Variants in POLK observed in about 807,000 individuals in gnomAD.
POLK encodes DNA polymerase kappa, also known as polymerase (DNA directed) kappa.
In POLK, 76 loss-of-function variants were observed where a neutral mutation model predicts 94.0. The ratio of observed to expected loss-of-function variants is 0.81; its 90% CI spans 0.67 to 0.98. The LOEUF is 0.98. POLK is among the 50% of genes least tolerant of loss of function. The pLI is 0.00. For missense variants in POLK, 954 were observed against 1,010.1 expected, an observed-to-expected ratio of 0.94 and a Z score of 0.75; for synonymous variants, 349 against 325.4, an observed-to-expected ratio of 1.07 and a Z score of -0.78.
intron 1 of POLK, among the ~76,000 whole-genome samples, chr5:75,515,056 T>C (rs925430873): frequency 3.9e-5 from 6 of 152,124 alleles, no homozygotes; most frequent in African/African-American, 1.4e-4. Context: ...AGTTTACAGC[T>C]CTTTTCTTGC....
chr5:75,593,212 A>G lies in POLK; in HGVS notation c.1357-666A>G, dbSNP rs71628910. On this transcript the variant is annotated intron_variant, in intron 11 of 14. Coordinates refer to ENST00000241436, the Ensembl canonical transcript of POLK. ...AATGGTGTGATCTCGGCTCAATGCA[A>G]CCTCCATCTCCTGGCTTCAATCTAT... Among the ~76,000 whole-genome samples the G allele has an allele frequency of 4.7e-3, 699 of 149,362 alleles. 3 individuals carry two copies. Among genetic ancestry groups the G allele is most frequent in the African/African-American group, 0.016 (641 of 40,556 alleles).
At chr5:75,528,649 CAA>C (rs573349562) in intron 1 of POLK, among the ~76,000 whole-genome samples, 19 of 138,940 alleles carry the variant, frequency 1.4e-4, no homozygotes, top group Non-Finnish European at 1.6e-4. Context: ...TCCACTCTAC[CAA>C]AAAAAAAAAA....
intron 3 of POLK, among the ~76,000 whole-genome samples, chr5:75,567,796 T>C (rs1771353553): frequency 6.6e-6 from 1 of 152,138 alleles, no homozygotes; most frequent in Non-Finnish European, 1.5e-5. Flanking sequence ...TGACAGAGCT[T>C]GGAAAGGCAC....
intron 1 of POLK, among the ~76,000 whole-genome samples, chr5:75,536,050 G>C (rs1020797369): frequency 6.6e-6 from 1 of 152,128 alleles, no homozygotes; most frequent in Admixed American, 6.5e-5. Context: ...TTCTTGTGCT[G>C]GTTCTTTCTC....
chr5:75,540,655 C>G (rs868256011), intron 1 of POLK, among the ~76,000 whole-genome samples: 2 of 151,910 alleles, frequency 1.3e-5, no homozygotes, highest in Non-Finnish European at 2.9e-5. Context: ...AATACAGTAC[C>G]AAAAAAGGTA....
chr5:75,593,292 C>T (rs556552293), intron 11 of POLK, among the ~76,000 whole-genome samples: 2 of 151,952 alleles, frequency 1.3e-5, no homozygotes, highest in East Asian at 3.9e-4. Context: ...CCATCACGCT[C>T]AGCTAATTTT....
At chr5:75,529,065 G>A (rs1027581336) in intron 1 of POLK, among the ~76,000 whole-genome samples, 1 of 152,112 alleles carries the variant, frequency 6.6e-6, no homozygotes, top group African/African-American at 2.4e-5. Flanking sequence ...AATTGTGTTA[G>A]TCCATTTGCA....
At chr5:75,594,787 C>A (rs1213695332) in intron 12 of POLK, among the ~76,000 whole-genome samples, 1 of 152,166 alleles carries the variant, frequency 6.6e-6, no homozygotes, top group Non-Finnish European at 1.5e-5. Flanking sequence ...CATCTCCAGC[C>A]ACTACATGGT....
chr5:75,572,484 A>G (rs562052313), intron 4 of POLK, among the ~76,000 whole-genome samples: 4 of 152,306 alleles, frequency 2.6e-5, no homozygotes, highest in Middle Eastern at 3.4e-3. Context: ...ATAATGTAAC[A>G]TCTATACTAA....
At chr5:75,571,184 C>T (rs1771571383) in intron 4 of POLK, among the ~76,000 whole-genome samples, 1 of 152,024 alleles carries the variant, frequency 6.6e-6, no homozygotes, top group Non-Finnish European at 1.5e-5. Flanking sequence ...CAAAGATTAC[C>T]CCTTTTGTAT....
intron 4 of POLK, among the ~76,000 whole-genome samples, chr5:75,570,785 T>TCC (rs892059504): frequency 2.6e-5 from 4 of 152,202 alleles, no homozygotes; most frequent in African/African-American, 9.6e-5. Context: ...TGTTCCTAAC[T>TCC]CCTTCCCATG....
At chr5:75,590,420 C>T (rs761529378) in exon 11 of POLK, 8 of 1,606,520 alleles carry the variant, frequency 5.0e-6, no homozygotes, top group Non-Finnish European at 6.8e-6. Flanking sequence ...TGCTCAGGAT[C>T]TACAGAAAGA....
At chr5:75,586,969 G>C in intron 9 of POLK, 57 bp from the exon 10 acceptor site, 1 of 1,240,942 alleles carries the variant, frequency 8.1e-7, no homozygotes, top group South Asian at 1.4e-5. Context: ...AATCCTCTTG[G>C]TTAACTAAAA....
At chr5:75,532,439 C>G (rs1769226852) in intron 1 of POLK, among the ~76,000 whole-genome samples, 1 of 150,892 alleles carries the variant, frequency 6.6e-6, no homozygotes, top group Non-Finnish European at 1.5e-5. Context: ...ATATAGTATT[C>G]CTTTGTGTAT....
chr5:75,541,050 G>C (rs1769710973), intron 1 of POLK, among the ~76,000 whole-genome samples: 1 of 152,150 alleles, frequency 6.6e-6, no homozygotes, highest in Non-Finnish European at 1.5e-5. Context: ...TTAGGAGACA[G>C]AGGCGGGCAG....
At chr5:75,577,559 G>T (rs1771960387) in intron 6 of POLK, among the ~76,000 whole-genome samples, 1 of 152,036 alleles carries the variant, frequency 6.6e-6, no homozygotes, top group Admixed American at 6.6e-5. Flanking sequence ...TTTGTCAAAG[G>T]TATGATTATG....
At chr5:75,539,435 T>C (rs1218844893) in intron 1 of POLK, among the ~76,000 whole-genome samples, 1 of 152,228 alleles carries the variant, frequency 6.6e-6, no homozygotes, top group Non-Finnish European at 1.5e-5. Context: ...ACAACTGTTA[T>C]TGCGGTCTTT....
intron 3 of POLK, among the ~76,000 whole-genome samples, chr5:75,563,382 G>A (rs965090999): frequency 2.6e-5 from 4 of 151,814 alleles, no homozygotes; most frequent in East Asian, 1.9e-4. Context: ...AGGGATTTTC[G>A]TGTCTCTATC....
chr5:75,581,971 G>A (rs980500250), intron 7 of POLK: 133 of 976,668 alleles, frequency 1.4e-4, no homozygotes, highest in African/African-American at 9.0e-4. Context: ...GAGCCACCGC[G>A]CCCGACTCAT....
Sources: gnomAD v4.1 joint callset for allele counts (sites outside exome capture counted in the v4.1 genomes callset) on GRCh38, gnomAD v4.1.1 for gene constraint, MANE v1.5 for transcripts, NCBI Gene and HGNC (gene_info 2026-07-23, HGNC 2026-07-21) for gene names.